The following PDSS2 variants were observed in gnomAD, a reference collection of about 807,000 sequenced individuals.
PDSS2 encodes the protein decaprenyl diphosphate synthase subunit 2.
Under a neutral mutation model 44.5 loss-of-function variants are expected in PDSS2, and 31 were observed. The ratio of observed to expected loss-of-function variants is 0.70; its 90% CI spans 0.52 to 0.94. PDSS2 has a LOEUF of 0.94. PDSS2 is among the 40% of genes least tolerant of loss of function. The pLI, the probability that PDSS2 is intolerant of heterozygous loss-of-function variation, is 0.00. For missense variants in PDSS2, 452 were observed against 482.2 expected, an observed-to-expected ratio of 0.94 and a Z score of 0.59; for synonymous variants, 157 against 180.3, an observed-to-expected ratio of 0.87 and a Z score of 1.03.
chr6:107,338,076 C>A (rs1012335845), intron 1 of PDSS2, among the ~76,000 whole-genome samples: 4 of 152,062 alleles, frequency 2.6e-5, no homozygotes, highest in African/African-American at 9.7e-5. Flanking sequence ...ACTTCGTTAA[C>A]ACTCTTAAAA....
intron 2 of PDSS2, among the ~76,000 whole-genome samples, chr6:107,319,742 T>C (rs891454273): frequency 1.6e-4 from 25 of 152,212 alleles, no homozygotes; most frequent in African/African-American, 4.8e-4. Context: ...CTATAAACCG[T>C]TGCAGACGTG....
chr6:107,416,999 C>T (rs996254493), intron 1 of PDSS2, among the ~76,000 whole-genome samples: 1 of 151,960 alleles, frequency 6.6e-6, no homozygotes, highest in Admixed American at 6.6e-5. Flanking sequence ...GAGGTGGAGG[C>T]GGGTGGATTG....
chr6:107,443,101 T>C (rs1781558890), intron 1 of PDSS2, among the ~76,000 whole-genome samples: 1 of 152,130 alleles, frequency 6.6e-6, no homozygotes, highest in Non-Finnish European at 1.5e-5. Flanking sequence ...GTTGTTTCCC[T>C]GACTAACAAG....
chr6:107,454,526 C>T (rs149674639), intron 1 of PDSS2, among the ~76,000 whole-genome samples: 2,371 of 152,192 alleles, frequency 0.016, 40 homozygotes, highest in Non-Finnish European at 0.021. Context: ...GATTTTTAAC[C>T]TCATTTCTCA....
chr6:107,428,464 T>C (rs1006148362), intron 1 of PDSS2, among the ~76,000 whole-genome samples: 2 of 152,208 alleles, frequency 1.3e-5, no homozygotes, highest in African/African-American at 4.8e-5. Flanking sequence ...TTTTATTCCA[T>C]TCCTTCAATT....
chr6:107,387,453 T>C (rs1779645676), intron 1 of PDSS2, among the ~76,000 whole-genome samples: 1 of 152,152 alleles, frequency 6.6e-6, no homozygotes, highest in South Asian at 2.1e-4. Flanking sequence ...ACCATTATTT[T>C]TGTAGGAATA....
chr6:107,459,227 G>A lies in PDSS2; in HGVS notation c.59C>T (p.Pro20Leu), dbSNP rs758340947. ...GGACGGGGACCACCACAGGCGACGC[G>A]GGGAACCCGAGGCTCCAAGATAACG... Reference protein sequence around the residue: ...LPRYLGASGSPRRLWWSPSLD... With the variant: ...LPRYLGASGSLRRLWWSPSLD... Residue 20 changes from proline (P) to leucine (L), a missense_variant, in exon 1 of 8, where the codon CCG (proline) becomes CTG (leucine). Pro to Leu is a moderately conservative substitution (Grantham distance 98, BLOSUM62 -3). Transcript: ENST00000369037. This position sits in a 1 kb window ranked among gnomAD's most constrained non-coding sequence, Gnocchi z 4.3. 6 of 1,614,124 alleles carry A rather than the reference G, an allele frequency of 3.7e-6. No individual in the cohort carries two copies. Among genetic ancestry groups the A allele is most frequent in the Admixed American group, 3.3e-5 (2 of 60,020 alleles).
rs148526695 is a variant in PDSS2, at chr6:107,305,593, G to T, written c.431+28605C>A. Among the ~76,000 whole-genome samples, 224 of 152,260 alleles carry T rather than the reference G, an allele frequency of 1.5e-3. 2 individuals carry two copies. The highest frequency in any genetic ancestry group is 5.2e-3 in the African/African-American group (218 of 41,552). On this transcript the variant is annotated intron_variant, in intron 2 of 7. Transcript: ENST00000369037. ...TATTTCATAGGACTGTTGTAAGGAG[G>T]AAATTCCATTCATTATGCAAGCAAC...
chr6:107,405,752 C>T (rs1780295573), intron 1 of PDSS2, among the ~76,000 whole-genome samples: 1 of 148,992 alleles, frequency 6.7e-6, no homozygotes, highest in Admixed American at 6.8e-5. Flanking sequence ...GAGGCTGAGG[C>T]AGGAGAATGG....
In PDSS2 at chr6:107,396,678, CT is replaced by C. The variant is rs950671310; in HGVS notation, c.296+62311del. The stretch of plus-strand genomic sequence containing the variant: ...CTTTCTTTTTTTCCTCTTCTTTTTT[CT>C]TTTTTTTTTTTTTTTTTTTTTGAGA... On this transcript the variant is annotated intron_variant, in intron 1 of 7. Transcript: ENST00000369037. Among the ~76,000 whole-genome samples, 358 of 79,324 alleles carry C rather than the reference CT, an allele frequency of 4.5e-3. 1 individual carries two copies. Among genetic ancestry groups the C allele is most frequent in the East Asian group, 0.024 (73 of 3,092 alleles). The allele number at this position is 79,324 out of a possible 152,430, so 52.0% of individuals were successfully genotyped here.
chr6:107,425,784 A>G (rs1780980402), intron 1 of PDSS2, among the ~76,000 whole-genome samples: 1 of 152,052 alleles, frequency 6.6e-6, no homozygotes, highest in African/African-American at 2.4e-5. Context: ...ACATGGTGAA[A>G]CCCTGTCTCT....
At chr6:107,179,867 A>G (rs748785018) in intron 7 of PDSS2, among the ~76,000 whole-genome samples, 34 of 152,200 alleles carry the variant, frequency 2.2e-4, no homozygotes, top group Non-Finnish European at 4.4e-4. Context: ...AGATGTACCA[A>G]CTGAATCAAC....
intron 1 of PDSS2, among the ~76,000 whole-genome samples, chr6:107,379,844 GAAGT>G (rs1779402736): frequency 6.6e-6 from 1 of 151,992 alleles, no homozygotes. Flanking sequence ...GTTAATAGGT[GAAGT>G]GAGTTAGGGC....
At chr6:107,319,118 C>T (rs1777304628) in intron 2 of PDSS2, among the ~76,000 whole-genome samples, 1 of 151,984 alleles carries the variant, frequency 6.6e-6, no homozygotes, top group African/African-American at 2.4e-5. Context: ...TGGTCAAGTA[C>T]TACAGAGTCC....
At chr6:107,208,264 G>C (rs1196515221) in intron 6 of PDSS2, among the ~76,000 whole-genome samples, 1 of 136,772 alleles carries the variant, frequency 7.3e-6, no homozygotes, top group Admixed American at 7.5e-5. Flanking sequence ...GGGATTACAG[G>C]TGTAAGCCAC....
chr6:107,457,712 T>A (rs1036095223), intron 1 of PDSS2, among the ~76,000 whole-genome samples: 2 of 152,124 alleles, frequency 1.3e-5, no homozygotes, highest in Non-Finnish European at 2.9e-5. Context: ...GAAAGAGATA[T>A]AACAACTAAA....
intron 3 of PDSS2, among the ~76,000 whole-genome samples, chr6:107,248,585 TA>T (rs1006214554): frequency 6.7e-6 from 1 of 149,608 alleles, no homozygotes; most frequent in Non-Finnish European, 1.5e-5. Context: ...CAAGGTCTAC[TA>T]ATAATTTGAT....
chr6:107,218,833 G>T (rs941982743), intron 4 of PDSS2, among the ~76,000 whole-genome samples: 2 of 152,120 alleles, frequency 1.3e-5, no homozygotes, highest in Non-Finnish European at 2.9e-5. Flanking sequence ...CAAGGCGGCC[G>T]GATCACCTGA....
At position 107,360,578 on chromosome 6, in the gene PDSS2, C is replaced by CA. The variant is rs1384311710; in HGVS notation, c.297-26247dup. On this transcript the variant is annotated intron_variant, in intron 1 of 7. Coordinates refer to ENST00000369037, the MANE Select transcript of PDSS2 (RefSeq NM_020381.4). ...CTACAAGCTCTGCATTAAAAACCAACAAAAAACATCTGGATAACTGATGAA... is the reference window on the plus strand; with the variant it reads ...CTACAAGCTCTGCATTAAAAACCAACAAAAAAACATCTGGATAACTGATGAA... 2.5e-3 allele frequency among the ~76,000 whole-genome samples: 27 copies of CA among 10,668 alleles called. No homozygotes were observed. In the Non-Finnish European group the frequency reaches 0.12, roughly 47 times the overall value. 7.0% of individuals were successfully genotyped at this position (10,668 alleles called of 152,430 possible). A position where few individuals can be genotyped will look rare whatever the true frequency, so the allele number is the denominator to read the frequency against.
Sources: allele counts gnomAD v4.1 joint callset (sites outside exome capture counted in the v4.1 genomes callset), GRCh38; gene constraint gnomAD v4.1.1; non-coding constraint Gnocchi (gnomAD v3.1); transcripts MANE v1.5; gene names NCBI Gene and HGNC (gene_info 2026-07-23, HGNC 2026-07-21).